The following TRMT1L variants were observed in gnomAD, a reference collection of about 807,000 sequenced individuals.
TRMT1L encodes tRNA methyltransferase 1L.
A neutral mutation model predicts 81.6 loss-of-function variants in TRMT1L; 28 were observed. The observed-to-expected ratio is 0.34, with a 90% confidence interval of 0.25 to 0.47. The LOEUF (loss-of-function observed/expected upper bound fraction) is 0.47. Among genes scored for constraint, TRMT1L ranks in the 20% least tolerant of loss-of-function variants. TRMT1L has a pLI of 1.00. For synonymous variants in TRMT1L, 301 were observed against 303.2 expected (o/e 0.99, Z 0.07); for missense variants, 739 against 877.1 (o/e 0.84, Z 1.99).
At chr1:185,123,115 G>A (rs1043307808) in intron 13 of TRMT1L, among the ~76,000 whole-genome samples, 2 of 152,180 alleles carry the variant, frequency 1.3e-5, no homozygotes, top group African/African-American at 4.8e-5. Flanking sequence ...GTTGCAAAGA[G>A]TATGCAGTAG....
chr1:185,142,342 C>A (rs2102248155), intron 7 of TRMT1L, among the ~76,000 whole-genome samples: 1 of 152,246 alleles, frequency 6.6e-6, no homozygotes, highest in South Asian at 2.1e-4. Context: ...CACTACTTTT[C>A]CCTGAGGAGA....
Position 185,119,687 on chromosome 1 carries a change from G to A in TRMT1L, c.*332C>T, listed in dbSNP as rs915939706. The stretch of plus-strand genomic sequence containing the variant: ...TTAGGCAGAGATGTGATTAAGAATT[G>A]TAAAAGATGGCTTTCATAACATACA... On this transcript the variant is annotated 3_prime_UTR_variant, in exon 15 of 15. Transcript: ENST00000367506. 29 of 196,742 alleles carry A rather than the reference G, an allele frequency of 1.5e-4. No homozygotes were observed. Among genetic ancestry groups the A allele is most frequent in the African/African-American group, 6.7e-4 (29 of 43,262 alleles). The allele number at this position is 196,742 out of a possible 1,614,324, so 12.2% of individuals were successfully genotyped here.
chr1:185,150,014 A>G (rs185512512), intron 3 of TRMT1L, among the ~76,000 whole-genome samples: 38 of 152,286 alleles, frequency 2.5e-4, no homozygotes, highest in Non-Finnish European at 7.4e-5. Flanking sequence ...TGTATTTTCC[A>G]ATATTCATAC....
intron 2 of TRMT1L, 146 bp from the exon 3 acceptor site, chr1:185,150,638 G>A: frequency 1.5e-6 from 1 of 662,032 alleles, no homozygotes; most frequent in South Asian, 1.7e-5. Flanking sequence ...TCTTGACCCA[G>A]GAGACAGTTA....
In TRMT1L at chr1:185,118,256, T is replaced by C. The variant is rs1240899341; in HGVS notation, c.*1763A>G. Reference sequence around the variant, plus strand: ...AAAGTATTTCCTCTTTTGGTTGATGTAGTACCTGATCAGAGTTCTAAACTA... The same window carrying C: ...AAAGTATTTCCTCTTTTGGTTGATGCAGTACCTGATCAGAGTTCTAAACTA... On this transcript the variant is annotated 3_prime_UTR_variant, in exon 15 of 15. Transcript: ENST00000367506. 2 of 152,226 alleles carry C rather than the reference T, an allele frequency of 1.3e-5. No homozygotes were observed. Among genetic ancestry groups the C allele is most frequent in the African/African-American group, 4.8e-5 (2 of 41,456 alleles). The allele number at this position is 152,226 out of a possible 1,614,324, so 9.4% of individuals were successfully genotyped here.
At chr1:185,134,419 T>A (rs1652846946) in intron 10 of TRMT1L, among the ~76,000 whole-genome samples, 1 of 152,232 alleles carries the variant, frequency 6.6e-6, no homozygotes, top group Admixed American at 6.5e-5. Context: ...ACTCCTGACC[T>A]CAGGTGGTCC....
At chr1:185,132,547 A>AAAAT (rs1386086350) in intron 10 of TRMT1L, among the ~76,000 whole-genome samples, 6 of 151,418 alleles carry the variant, frequency 4.0e-5, no homozygotes, top group Non-Finnish European at 5.9e-5. Context: ...AATAAAAATA[A>AAAAT]AAATAAATAA....
intron 6 of TRMT1L, 45 bp downstream of exon 6, chr1:185,143,861 T>C (rs1571353879): frequency 6.5e-7 from 1 of 1,527,294 alleles, no homozygotes; most frequent in East Asian, 2.3e-5. Context: ...GGTACACTTA[T>C]AATAATTTGA....
At chr1:185,137,036 C>T (rs1232945802) in intron 10 of TRMT1L, among the ~76,000 whole-genome samples, 15 of 151,854 alleles carry the variant, frequency 9.9e-5, no homozygotes, top group Non-Finnish European at 1.8e-4. Flanking sequence ...TGCAACTTAA[C>T]ATAGTAAGTG....
In TRMT1L at chr1:185,124,938, A is replaced by G; in HGVS notation, c.1759+6T>C. The G allele has an allele frequency of 6.2e-7, 1 of 1,608,038 alleles. No homozygotes were observed. Among genetic ancestry groups the G allele is most frequent in the East Asian group, 2.2e-5 (1 of 44,704 alleles). On this transcript the variant is annotated splice_donor_region_variant and intron_variant, in intron 12 of 14. Transcript: ENST00000367506. ...AAAGCTAGTAAGCTAGCGTTCAGTT[A>G]GTCACCTTGCTTGTTGACATTTGAA...
rs1238444378 is a variant in TRMT1L, at chr1:185,119,673, T to C, written c.*346A>G. On this transcript the variant is annotated 3_prime_UTR_variant, in exon 15 of 15. Transcript: ENST00000367506. ...CATCATGAATCAGTTTAGGCAGAGA[T>C]GTGATTAAGAATTGTAAAAGATGGC... The C allele has an allele frequency of 1.1e-5, 2 of 186,620 alleles. No homozygotes were observed. The highest frequency in any genetic ancestry group is 2.2e-5 in the Non-Finnish European group (2 of 89,386). The allele number at this position is 186,620 out of a possible 1,614,324, so 11.6% of individuals were successfully genotyped here. A position where few individuals can be genotyped will look rare whatever the true frequency, so the allele number is the denominator to read the frequency against.
chr1:185,127,492 C>T (rs1557985089), intron 11 of TRMT1L, among the ~76,000 whole-genome samples: 1 of 151,964 alleles, frequency 6.6e-6, no homozygotes, highest in Non-Finnish European at 1.5e-5. Context: ...TGCGGTAGCT[C>T]ACACCTGTAA....
intron 4 of TRMT1L, among the ~76,000 whole-genome samples, chr1:185,146,153 C>T (rs960666402): frequency 4.0e-5 from 6 of 151,846 alleles, no homozygotes; most frequent in Non-Finnish European, 5.9e-5. Flanking sequence ...ACATTCATTA[C>T]CTTTGTTTTT....
rs576330980 is a variant in TRMT1L, at chr1:185,127,799, A to AACTTAAG, written c.1592+863_1592+869dup. On this transcript the variant is annotated intron_variant, in intron 11 of 14. Transcript: ENST00000367506. ...AAAAAAAAAAGAATCTCTAGTAACA[A>AACTTAAG]ACTTAAGGTAAGGATTCTGATTAAA... Among the ~76,000 whole-genome samples, 266 of 151,414 alleles carry AACTTAAG rather than the reference A, an allele frequency of 1.8e-3. 1 individual carries two copies. The highest frequency in any genetic ancestry group is 6.3e-3 in the African/African-American group (260 of 41,314).
Position 185,145,581 on chromosome 1 carries a change from G to A in TRMT1L, c.526-13C>T, listed in dbSNP as rs1653166730. ...TTTTACTGGTTATCTATCAAACAGA[G>A]TATTTAATTTAAATAAGTTGCTAAG... On this transcript the variant is annotated splice_polypyrimidine_tract_variant and intron_variant, in intron 4 of 14. Transcript: ENST00000367506. 1.2e-6 allele frequency: 2 copies of A among 1,606,968 alleles called. No individual in the cohort carries two copies. Among genetic ancestry groups the A allele is most frequent in the African/African-American group, 2.7e-5 (2 of 74,726 alleles).
At chr1:185,129,963 A>C (rs1426829002) in intron 10 of TRMT1L, among the ~76,000 whole-genome samples, 3 of 152,206 alleles carry the variant, frequency 2.0e-5, no homozygotes, top group Admixed American at 1.3e-4. Flanking sequence ...CAGGATGGCA[A>C]TTTATAGTAT....
chr1:185,130,093 C>T (rs1441508938), intron 10 of TRMT1L, among the ~76,000 whole-genome samples: 1 of 152,164 alleles, frequency 6.6e-6, no homozygotes, highest in African/African-American at 2.4e-5. Flanking sequence ...TTTCCCAAGC[C>T]TCTTTGCTAG....
chr1:185,141,617 T>C (rs1345951025), intron 7 of TRMT1L, among the ~76,000 whole-genome samples: 1 of 152,076 alleles, frequency 6.6e-6, no homozygotes, highest in East Asian at 1.9e-4. Context: ...GGCAAGAGAA[T>C]TGCTTGAACC....
intron 1 of TRMT1L, among the ~76,000 whole-genome samples, chr1:185,156,075 C>G (rs1653535758): frequency 6.6e-6 from 1 of 152,170 alleles, no homozygotes; most frequent in Non-Finnish European, 1.5e-5. Context: ...GATCTACTAC[C>G]GTAAACAGGT....
Sources: gnomAD v4.1 joint callset for allele counts (sites outside exome capture counted in the v4.1 genomes callset) on GRCh38, gnomAD v4.1.1 for gene constraint, MANE v1.5 for transcripts, NCBI Gene and HGNC (gene_info 2026-07-23, HGNC 2026-07-21) for gene names.